LTBP1: variants seen among roughly 807,000 people sequenced by gnomAD.
LTBP1 encodes latent transforming growth factor beta binding protein 1, also known as latent-transforming growth factor beta-binding protein 1.
A neutral mutation model predicts 207.6 loss-of-function variants in LTBP1; 129 were observed. That is an observed-to-expected ratio of 0.62 (90% confidence interval 0.54 to 0.72). LTBP1 has a LOEUF of 0.72. Among genes scored for constraint, LTBP1 ranks in the 30% least tolerant of loss-of-function variants. The probability of loss-of-function intolerance (pLI) is 0.00; values close to 1 mark genes in which losing one functional copy is unlikely to be tolerated. For synonymous variants in LTBP1, 963 were observed against 833.7 expected, an observed-to-expected ratio of 1.16 and a Z score of -2.67; for missense variants, 2,281 against 2,217.2, an observed-to-expected ratio of 1.03 and a Z score of -0.58.
intron 2 of LTBP1, among the ~76,000 whole-genome samples, chr2:33,013,187 C>T (rs1446287651): frequency 6.6e-6 from 1 of 152,078 alleles, no homozygotes; most frequent in African/African-American, 2.4e-5. Flanking sequence ...TGTTAAACTG[C>T]TTTCTAAAAA....
rs766035408 is a variant in LTBP1, at chr2:33,389,218, G to A, written c.4746G>A (p.Thr1582=). 45 of 1,614,014 alleles carry A rather than the reference G, an allele frequency of 2.8e-5. No individual in the cohort carries two copies. Among genetic ancestry groups the A allele is most frequent in the South Asian group, 7.7e-5 (7 of 91,082 alleles). The change falls in exon 32 of 34, where the codon ACG becomes ACA. Residue 1582 remains threonine (T), a synonymous_variant. Transcript: ENST00000404816. ...CTCAGCTGTGTAACATCCCCGTGAC[G>A]GGACGCCGGCAGCCATATGGACGGG... is the stretch of plus-strand genomic sequence containing the variant. ...DYAQLCNIPV[T]GRRQPYGRDA... is the part of the protein sequence containing the mutation.
At chr2:33,093,280 T>C (rs1395708714) in intron 3 of LTBP1, among the ~76,000 whole-genome samples, 1 of 152,228 alleles carries the variant, frequency 6.6e-6, no homozygotes, top group Non-Finnish European at 1.5e-5. Flanking sequence ...GATGGTTAAA[T>C]GCAAACGTCT....
chr2:33,300,539 G>T lies in LTBP1; in HGVS notation c.3324G>T (p.Gly1108=), dbSNP rs774683581. The T allele has an allele frequency of 1.9e-6, 3 of 1,613,580 alleles. No individual in the cohort carries two copies. Among genetic ancestry groups the T allele is most frequent in the Middle Eastern group, 1.7e-4 (1 of 6,060 alleles). ...CCTTCAGGTGCACCTGTGGACAGGG[G>T]TACCAGCTGTCGGCAGCTAAAGACC... The part of the protein sequence containing the change: ...EGSFRCTCGQ[G]YQLSAAKDQC... The change falls in exon 21 of 34, where the codon GGG becomes GGT. Residue 1108 remains glycine (G), a synonymous_variant. Coordinates refer to ENST00000404816, the MANE Select transcript of LTBP1 (RefSeq NM_206943.4).
At chr2:32,948,018 C>T (rs575717179) in intron 1 of LTBP1, among the ~76,000 whole-genome samples, 200 bp downstream of exon 1, 2 of 152,296 alleles carry the variant, frequency 1.3e-5, no homozygotes, top group Middle Eastern at 3.4e-3. Flanking sequence ...CTTTTACTGA[C>T]GTGAAACTCC....
chr2:33,135,396 A>G (rs1236666783), intron 5 of LTBP1, among the ~76,000 whole-genome samples: 5 of 152,244 alleles, frequency 3.3e-5, no homozygotes, highest in Non-Finnish European at 7.3e-5. Flanking sequence ...AAAAATAGCC[A>G]AGCTCTAAAA....
At chr2:33,063,202 G>C (rs1000797011) in intron 3 of LTBP1, 2 of 151,460 alleles carry the variant, frequency 1.3e-5, no homozygotes, top group African/African-American at 2.4e-5. Flanking sequence ...TCGAATTATA[G>C]AATTAGTTTG....
intron 24 of LTBP1, among the ~76,000 whole-genome samples, chr2:33,340,235 G>A (rs1252610963): frequency 6.8e-6 from 1 of 146,780 alleles, no homozygotes; most frequent in African/African-American, 2.5e-5. Context: ...TCCAGCCTGG[G>A]CGACAGAGCG....
intron 5 of LTBP1, among the ~76,000 whole-genome samples, chr2:33,176,690 C>G (rs1208073980): frequency 6.6e-6 from 1 of 152,098 alleles, no homozygotes; most frequent in Non-Finnish European, 1.5e-5. Flanking sequence ...CACGACCTGA[C>G]CAGCTTCCCA....
chr2:33,108,376 G>A (rs899528835), intron 3 of LTBP1, among the ~76,000 whole-genome samples: 3 of 152,102 alleles, frequency 2.0e-5, no homozygotes, highest in Non-Finnish European at 4.4e-5. Context: ...GACAGTGGTG[G>A]CACTTAACTA....
intron 19 of LTBP1, among the ~76,000 whole-genome samples, chr2:33,287,400 C>T (rs77421176): frequency 0.02 from 3,065 of 152,016 alleles, 44 homozygotes; most frequent in Middle Eastern, 0.11. Context: ...TTCGTGTACA[C>T]GTAAGAAAAC....
chr2:33,168,420 A>G (rs1302202711), intron 5 of LTBP1, among the ~76,000 whole-genome samples: 1 of 151,672 alleles, frequency 6.6e-6, no homozygotes, highest in African/African-American at 2.4e-5. Context: ...AAAAAAAGAA[A>G]AAAGAAAAAA....
chr2:33,323,994 T>C (rs904187687), intron 24 of LTBP1, among the ~76,000 whole-genome samples: 2 of 152,180 alleles, frequency 1.3e-5, no homozygotes, highest in African/African-American at 4.8e-5. Flanking sequence ...CCTCTCTGTA[T>C]AGTAAGAATA....
intron 7 of LTBP1, among the ~76,000 whole-genome samples, chr2:33,217,234 T>C (rs1477784966): frequency 6.6e-6 from 1 of 152,178 alleles, no homozygotes; most frequent in African/African-American, 2.4e-5. Context: ...CCTATATTGA[T>C]CTTACACACT....
At chr2:33,365,249 C>G (rs1239041683) in intron 30 of LTBP1, 84 bp from the exon 31 acceptor site, 2 of 1,228,758 alleles carry the variant, frequency 1.6e-6, no homozygotes, top group Non-Finnish European at 2.3e-6. Context: ...GAGATGGAAA[C>G]TTTGAGACTT....
chr2:33,384,039 C>A (rs1396792088), intron 31 of LTBP1, among the ~76,000 whole-genome samples: 1 of 152,182 alleles, frequency 6.6e-6, no homozygotes, highest in Non-Finnish European at 1.5e-5. Context: ...TCCTCACATG[C>A]CAGGGTAGCA....
At chr2:33,097,912 G>A (rs2079481638) in intron 3 of LTBP1, among the ~76,000 whole-genome samples, 1 of 152,094 alleles carries the variant, frequency 6.6e-6, no homozygotes, top group Admixed American at 6.6e-5. Flanking sequence ...GTTATAAACA[G>A]TCATTTAATA....
At position 33,309,671 on chromosome 2, in the gene LTBP1, C is replaced by T. The variant is rs1056392976; in HGVS notation, c.3604+115C>T. 8.0e-6 allele frequency: 10 copies of T among 1,243,842 alleles called. No individual in the cohort carries two copies. In the African/African-American group the frequency reaches 1.4e-4, roughly 17 times the overall value. The allele number at this position is 1,243,842 out of a possible 1,614,324, so 77.1% of individuals were successfully genotyped here. Reference sequence around the variant, plus strand: ...TGATTTATATGTAAATAATTTATGTCAATTTTTGATATTAAAATAGCTGTC... The same window carrying T: ...TGATTTATATGTAAATAATTTATGTTAATTTTTGATATTAAAATAGCTGTC... On this transcript the variant is annotated intron_variant, in intron 23 of 33. Transcript: ENST00000404816.
intron 3 of LTBP1, chr2:33,063,196 A>G (rs903736042): frequency 5.9e-5 from 9 of 151,966 alleles, no homozygotes; most frequent in Non-Finnish European, 1.2e-4. Flanking sequence ...TGCTGTTCGA[A>G]TTATAGAATT....
At chr2:33,208,930 C>T (rs906361989) in intron 7 of LTBP1, among the ~76,000 whole-genome samples, 4 of 142,112 alleles carry the variant, frequency 2.8e-5, no homozygotes, top group African/African-American at 1.1e-4. Flanking sequence ...TGCAGTGGCG[C>T]GATCTCGGCT....
Sources: allele counts gnomAD v4.1 joint callset (sites outside exome capture counted in the v4.1 genomes callset), GRCh38; gene constraint gnomAD v4.1.1; transcripts MANE v1.5; gene names NCBI Gene and HGNC (gene_info 2026-07-23, HGNC 2026-07-21).